The following CDH8 variants were observed in gnomAD, a reference collection of about 807,000 sequenced individuals.
CDH8 encodes cadherin 8.
A neutral mutation model predicts 68.1 loss-of-function variants in CDH8; 17 were observed. That is an observed-to-expected ratio of 0.25 (90% CI 0.17 to 0.37). CDH8 has a LOEUF of 0.37. Ranked by LOEUF, CDH8 falls within the 10% of genes least tolerant of loss-of-function variation. CDH8 has a pLI of 1.00. For missense variants in CDH8, 763 were observed against 999.3 expected (o/e 0.76, Z 3.19); for synonymous variants, 372 against 365.1 (o/e 1.02, Z -0.21).
Position 61,716,563 on chromosome 16 carries a change from C to T in CDH8, c.1537-2605G>A, listed in dbSNP as rs374938789. On this transcript the variant is annotated intron_variant, in intron 9 of 11. Transcript: ENST00000577390. ...CTGGTGTACACACAAGTATGAGAAC[C>T]ACTGTTTTGAGCCAATGGAAAAGAT... Among the ~76,000 whole-genome samples, 167 of 151,798 alleles carry T rather than the reference C, an allele frequency of 1.1e-3. 1 individual carries two copies. Among genetic ancestry groups the T allele is most frequent in the African/African-American group, 3.5e-3 (146 of 41,500 alleles).
chr16:61,782,776 T>C (rs924307031), intron 8 of CDH8, among the ~76,000 whole-genome samples: 29 of 152,084 alleles, frequency 1.9e-4, no homozygotes, highest in Non-Finnish European at 3.7e-4. Context: ...AGTGGGTCCC[T>C]GACCCCTGAC....
intron 2 of CDH8, among the ~76,000 whole-genome samples, chr16:61,931,639 T>G (rs1209778304): frequency 6.6e-6 from 1 of 152,186 alleles, no homozygotes; most frequent in African/African-American, 2.4e-5. Flanking sequence ...ATGCCACCAA[T>G]GTCATTTGGG....
chr16:62,028,145 A>G (rs2150619539), intron 1 of CDH8, among the ~76,000 whole-genome samples: 1 of 147,524 alleles, frequency 6.8e-6, no homozygotes, highest in East Asian at 2.0e-4. Context: ...GCTCACTGCA[A>G]CCTCTGCCTC....
intron 8 of CDH8, among the ~76,000 whole-genome samples, chr16:61,753,848 GTAA>G (rs1046970547): frequency 2.0e-5 from 3 of 152,154 alleles, no homozygotes; most frequent in East Asian, 1.9e-4. Context: ...GGTAGAAAAA[GTAA>G]TAATAATAAG....
intron 2 of CDH8, among the ~76,000 whole-genome samples, chr16:61,957,894 CT>C (rs1324452267): frequency 6.6e-6 from 1 of 152,130 alleles, no homozygotes; most frequent in Non-Finnish European, 1.5e-5. Context: ...TTCCAAGAAC[CT>C]AGTGCAGGGT....
chr16:61,878,854 G>A (rs1023959250), intron 3 of CDH8, among the ~76,000 whole-genome samples: 1 of 152,112 alleles, frequency 6.6e-6, no homozygotes, highest in Non-Finnish European at 1.5e-5. Flanking sequence ...TTTAATGAGT[G>A]GCCTCCATGA....
At chr16:62,021,913 C>T (rs947817536) in intron 1 of CDH8, among the ~76,000 whole-genome samples, 20 of 152,126 alleles carry the variant, frequency 1.3e-4, no homozygotes, top group African/African-American at 4.3e-4. Context: ...TTCCTCTTGA[C>T]TTTCCTCCTC....
intron 2 of CDH8, among the ~76,000 whole-genome samples, chr16:61,943,962 A>G (rs1281504179): frequency 6.6e-6 from 1 of 152,206 alleles, no homozygotes; most frequent in Non-Finnish European, 1.5e-5. Context: ...GAAAACTCTC[A>G]AGTAGACAGA....
intron 10 of CDH8, chr16:61,692,253 GA>G (rs1964240231): frequency 6.6e-6 from 1 of 152,096 alleles, no homozygotes; most frequent in Non-Finnish European, 1.5e-5. Flanking sequence ...TCCCATCAGA[GA>G]TTTTTACCTC....
At chr16:62,004,914 G>T (rs1965948827) in intron 2 of CDH8, among the ~76,000 whole-genome samples, 1 of 152,210 alleles carries the variant, frequency 6.6e-6, no homozygotes, top group Non-Finnish European at 1.5e-5. Context: ...ATTTAAAAGA[G>T]AAAGCCAGAA....
rs1567546610 is a variant in CDH8 at position 61,960,348 on chromosome 16, T to TACACACACATATAC, written c.253-58876_253-58875insGTATATGTGTGTGT. On this transcript the variant is annotated intron_variant, in intron 2 of 11. Coordinates refer to ENST00000577390, the MANE Select transcript of CDH8 (RefSeq NM_001796.5). ...GTGTGTGTATACACACATATATACATGTGTGTGTGTATACACATACATATA... is the reference window on the plus strand; with the variant it reads ...GTGTGTGTATACACACATATATACATACACACACATATACGTGTGTGTGTATACACATACATATA... Among the ~76,000 whole-genome samples the TACACACACATATAC allele has an allele frequency of 3.2e-3, 91 of 28,840 alleles. 16 individuals are homozygous for TACACACACATATAC. Among genetic ancestry groups the TACACACACATATAC allele is most frequent in the Admixed American group, 7.3e-3 (23 of 3,136 alleles). The allele number at this position is 28,840 out of a possible 152,430, so 18.9% of individuals were successfully genotyped here. A position where few individuals can be genotyped will look rare whatever the true frequency, so the allele number is the denominator to read the frequency against.
chr16:61,863,721 C>A (rs745633461), intron 3 of CDH8, among the ~76,000 whole-genome samples: 1 of 152,078 alleles, frequency 6.6e-6, no homozygotes, highest in African/African-American at 2.4e-5. Context: ...AGGGGCAGAA[C>A]CTTTGCAATA....
At chr16:61,773,501 T>A (rs1567463772) in intron 8 of CDH8, among the ~76,000 whole-genome samples, 1 of 152,046 alleles carries the variant, frequency 6.6e-6, no homozygotes, top group Non-Finnish European at 1.5e-5. Context: ...TTTAGAGAAA[T>A]AATACAGATG....
At chr16:61,905,820 C>G (rs1028344431) in intron 2 of CDH8, among the ~76,000 whole-genome samples, 1 of 151,474 alleles carries the variant, frequency 6.6e-6, no homozygotes, top group Non-Finnish European at 1.5e-5. Context: ...CGTTGAACCC[C>G]GGAGGTGGAG....
chr16:61,972,981 G>A (rs1314864937), intron 2 of CDH8, among the ~76,000 whole-genome samples: 6 of 152,184 alleles, frequency 3.9e-5, no homozygotes, highest in Admixed American at 3.9e-4. Context: ...CCAAGTAACA[G>A]AAAATTCAAG....
In CDH8 at chr16:61,739,475, A is replaced by AT. The variant is rs909291239; in HGVS notation, c.1415-12261dup. Among the ~76,000 whole-genome samples the AT allele has an allele frequency of 1.5e-4, 22 of 151,278 alleles. 1 individual carries two copies. In the Middle Eastern group the frequency reaches 0.02, roughly 140 times the overall value. On this transcript the variant is annotated intron_variant, in intron 8 of 11. Transcript: ENST00000577390. Reference sequence around the variant, plus strand: ...TGAAGTTTGTCAGATCAAAATGAAGATTTTTTTTTCAAATGGGGAAGAGAT... The same window carrying AT: ...TGAAGTTTGTCAGATCAAAATGAAGATTTTTTTTTTCAAATGGGGAAGAGAT...
At chr16:61,751,068 T>C (rs1027034048) in intron 8 of CDH8, among the ~76,000 whole-genome samples, 8 of 152,120 alleles carry the variant, frequency 5.3e-5, no homozygotes, top group East Asian at 1.9e-4. Flanking sequence ...AAAAAGAAGC[T>C]AATAATGATA....
chr16:61,662,762 T>A (rs1213126244), intron 10 of CDH8, among the ~76,000 whole-genome samples: 2 of 151,886 alleles, frequency 1.3e-5, no homozygotes, highest in African/African-American at 4.8e-5. Flanking sequence ...AGGATGTACA[T>A]AGAGTATGTG....
intron 2 of CDH8, among the ~76,000 whole-genome samples, chr16:62,015,781 G>A (rs1192689818): frequency 6.6e-6 from 1 of 152,146 alleles, no homozygotes; most frequent in Non-Finnish European, 1.5e-5. Flanking sequence ...AGAAGCCCCA[G>A]AAAGCTTCCT....
Sources: allele counts gnomAD v4.1 joint callset (sites outside exome capture counted in the v4.1 genomes callset), GRCh38; gene constraint gnomAD v4.1.1; transcripts MANE v1.5; gene names NCBI Gene and HGNC (gene_info 2026-07-23, HGNC 2026-07-21).